The following MINK1 variants were observed in gnomAD, a reference collection of about 807,000 sequenced individuals.
MINK1 encodes misshapen like kinase 1.
Under a neutral mutation model 178.4 loss-of-function variants are expected in MINK1, and 46 were observed. That is an observed-to-expected ratio of 0.26 (90% CI 0.20 to 0.33). The LOEUF is 0.33. MINK1 is among the 10% of genes least tolerant of loss of function. The probability of loss-of-function intolerance (pLI) is 1.00; values close to 1 mark genes in which losing one functional copy is unlikely to be tolerated. For synonymous variants in MINK1, 797 were observed against 709.7 expected, an observed-to-expected ratio of 1.12 and a Z score of -1.96; for missense variants, 1,366 against 1,814.9, an observed-to-expected ratio of 0.75 and a Z score of 4.49.
chr17:4,892,629 C>T (rs1968971071), intron 18 of MINK1, 27 bp from the exon 19 acceptor site: 1 of 1,580,380 alleles, frequency 6.3e-7, no homozygotes, highest in Non-Finnish European at 8.6e-7. Flanking sequence ...CCGTGCCTCC[C>T]TGACCCTGAC....
chr17:4,838,162 G>A (rs930216689), intron 1 of MINK1, among the ~76,000 whole-genome samples: 2 of 152,222 alleles, frequency 1.3e-5, no homozygotes, highest in Admixed American at 6.5e-5. Context: ...ATTGCAAAAG[G>A]GGAATGGGGC....
intron 1 of MINK1, among the ~76,000 whole-genome samples, chr17:4,858,827 G>A (rs181175930): frequency 2.7e-4 from 41 of 152,300 alleles, no homozygotes; most frequent in Non-Finnish European, 4.6e-4. Flanking sequence ...GTCAGTCCTG[G>A]TATGGTTAGT....
intron 1 of MINK1, among the ~76,000 whole-genome samples, chr17:4,839,787 G>T (rs1909898559): frequency 6.6e-6 from 1 of 152,198 alleles, no homozygotes; most frequent in Non-Finnish European, 1.5e-5. Flanking sequence ...TGGAGATTTT[G>T]TCCAGTGGCT....
Position 4,892,392 on chromosome 17 carries a change from C to T in MINK1, c.2088-10C>T. 6.5e-7 allele frequency: 1 copy of T among 1,543,120 alleles called. No individual in the cohort carries two copies. Among genetic ancestry groups the T allele is most frequent in the Non-Finnish European group, 8.8e-7 (1 of 1,142,332 alleles). On this transcript the variant is annotated splice_polypyrimidine_tract_variant and intron_variant, in intron 17 of 31. Coordinates refer to ENST00000355280, the MANE Select transcript of MINK1 (RefSeq NM_153827.5). The stretch of plus-strand genomic sequence containing the variant: ...GCCGCCCCCTCGGCACCCCTGTGCT[C>T]CCTTCACAGACCTCGCAGCAACTCC...
chr17:4,886,764 C>T lies in MINK1; in HGVS notation c.949+138C>T, dbSNP rs931683659. The T allele has an allele frequency of 9.8e-7, 1 of 1,016,086 alleles. No homozygotes were observed. The highest frequency in any genetic ancestry group is 2.7e-5 in the East Asian group (1 of 37,276). The allele number at this position is 1,016,086 out of a possible 1,614,324, so 62.9% of individuals were successfully genotyped here. ...TCTCCCTGTCCAAGGAGATCGTTCT[C>T]AAACTTGCAACCCCCAAGGGGTTTT... On this transcript the variant is annotated intron_variant, in intron 10 of 31. Coordinates refer to ENST00000355280, the MANE Select transcript of MINK1 (RefSeq NM_153827.5). This position sits in a 1 kb window ranked among gnomAD's most constrained non-coding sequence, Gnocchi z 6.1.
Position 4,885,853 on chromosome 17 carries a change from G to T in MINK1, c.640-58G>T. Reference sequence around the variant, plus strand: ...GAGAGGCCAGGATGGTGGGTGAAGAGAGGTTGCAGGGCAGAGTTGTCAGGA... The same window carrying T: ...GAGAGGCCAGGATGGTGGGTGAAGATAGGTTGCAGGGCAGAGTTGTCAGGA... On this transcript the variant is annotated intron_variant, in intron 7 of 31. Transcript: ENST00000355280. This position sits in a 1 kb window ranked among gnomAD's most constrained non-coding sequence, Gnocchi z 5.0. 6.3e-7 allele frequency: 1 copy of T among 1,588,144 alleles called. No homozygotes were observed. The highest frequency in any genetic ancestry group is 1.1e-5 in the South Asian group (1 of 90,144).
Position 4,890,513 on chromosome 17 carries a change from C to T in MINK1, c.1348-4C>T. The T allele has an allele frequency of 1.3e-6, 2 of 1,584,922 alleles. No individual in the cohort carries two copies. Among genetic ancestry groups the T allele is most frequent in the Admixed American group, 1.8e-5 (1 of 55,494 alleles). On this transcript the variant is annotated splice_region_variant and splice_polypyrimidine_tract_variant and intron_variant, in intron 13 of 31. Transcript: ENST00000355280. Reference sequence around the variant, plus strand: ...GAGCCCTCTCTCCCTACCCTTGGGCCCAGGAATACAAGCGGAAGCAGCTGG... The same window carrying T: ...GAGCCCTCTCTCCCTACCCTTGGGCTCAGGAATACAAGCGGAAGCAGCTGG...
intron 1 of MINK1, among the ~76,000 whole-genome samples, chr17:4,838,361 G>A (rs532469491): frequency 1.3e-5 from 2 of 152,232 alleles, no homozygotes; most frequent in South Asian, 4.2e-4. Flanking sequence ...TACACAGCAG[G>A]GAGGTTTTGA....
At chr17:4,890,217 C>T in intron 13 of MINK1, 1 of 1,272,922 alleles carries the variant, frequency 7.9e-7, no homozygotes, top group Non-Finnish European at 1.0e-6. Context: ...CACCCCGTCC[C>T]CCAGGAATAT....
rs1187027634 is a variant in MINK1, at chr17:4,894,515, C to T, written c.2809-10C>T. Reference sequence around the variant, plus strand: ...CACTTGTTTGCCTGACTGCTGTCCCCCTACCACAGTACCAGTCTCGTGGGC... The same window carrying T: ...CACTTGTTTGCCTGACTGCTGTCCCTCTACCACAGTACCAGTCTCGTGGGC... On this transcript the variant is annotated splice_polypyrimidine_tract_variant and intron_variant, in intron 23 of 31. Transcript: ENST00000355280. This position sits in a 1 kb window ranked among gnomAD's most constrained non-coding sequence, Gnocchi z 4.1. 1.3e-6 allele frequency: 2 copies of T among 1,586,464 alleles called. No homozygotes were observed. Among genetic ancestry groups the T allele is most frequent in the South Asian group, 1.1e-5 (1 of 87,126 alleles).
intron 1 of MINK1, among the ~76,000 whole-genome samples, chr17:4,835,093 CAT>C (rs1008934388): frequency 9.9e-5 from 15 of 152,160 alleles, no homozygotes; most frequent in East Asian, 9.6e-4. Flanking sequence ...TGCGCAGGCA[CAT>C]GTGTGTGTGT....
Position 4,889,761 on chromosome 17 carries a change from C to CAGGTAGAGCG in MINK1, c.1346_1347+8dup. On this transcript the variant is annotated frameshift_variant and splice_region_variant, in exon 13 of 32. Transcript: ENST00000355280. LOFTEE classifies it high-confidence loss of function. The stretch of plus-strand genomic sequence containing the variant: ...GGAGCGGCGGCAGGCGGAGCGCGAG[C>CAGGTAGAGCG]AGGTAGAGCGCCGCACCCGCATCCC... 1 of 1,535,046 alleles carries CAGGTAGAGCG rather than the reference C, an allele frequency of 6.5e-7. No homozygotes were observed. The highest frequency in any genetic ancestry group is 8.7e-7 in the Non-Finnish European group (1 of 1,144,284).
In MINK1 at chr17:4,868,397, A is replaced by G. The variant is rs182007332; in HGVS notation, c.58-9920A>G. ...TCCACCTGTATTTCTGAATCCATTA[A>G]CCAGCCTCTCTTCATCCCCCTGCCC... On this transcript the variant is annotated intron_variant, in intron 1 of 31. Coordinates refer to ENST00000355280, the MANE Select transcript of MINK1 (RefSeq NM_153827.5). Among the ~76,000 whole-genome samples, 169 of 152,244 alleles carry G rather than the reference A, an allele frequency of 1.1e-3. 1 individual carries two copies. The South Asian group carries it at 0.012, about 11-fold the overall frequency.
intron 1 of MINK1, among the ~76,000 whole-genome samples, chr17:4,840,069 T>G (rs1909982204): frequency 6.6e-6 from 1 of 152,118 alleles, no homozygotes; most frequent in Non-Finnish European, 1.5e-5. Flanking sequence ...GCATATGTTC[T>G]CAGGATCTCC....
chr17:4,874,466 G>A (rs1228703562), intron 1 of MINK1, among the ~76,000 whole-genome samples: 3 of 152,204 alleles, frequency 2.0e-5, no homozygotes, highest in African/African-American at 7.2e-5. Flanking sequence ...TCAGGAAAGC[G>A]CCATTTTGGA....
At position 4,895,168 on chromosome 17, in the gene MINK1, C is replaced by T. The variant is rs1248642431; in HGVS notation, c.3011C>T (p.Ala1004Val). Residue 1004 changes from alanine (A) to valine (V), a missense_variant, in exon 25 of 32, where the codon GCC becomes GTC. By Grantham distance (64) the Ala-to-Val change is moderately conservative (BLOSUM62 0). Transcript: ENST00000355280. This position sits in a 1 kb window ranked among gnomAD's most constrained non-coding sequence, Gnocchi z 4.3. ...AACGTGAATCCCACCAACACCCGGG[C>T]CCACAGTGAGACCCCTGAGATCCGG... The part of the protein sequence containing the change: ...VVNVNPTNTR[A>V]HSETPEIRKY... The T allele has an allele frequency of 1.2e-6, 2 of 1,614,068 alleles. No homozygotes were observed. The highest frequency in any genetic ancestry group is 1.7e-6 in the Non-Finnish European group (2 of 1,180,004).
intron 1 of MINK1, among the ~76,000 whole-genome samples, chr17:4,859,732 G>T (rs946895478): frequency 7.6e-6 from 1 of 131,438 alleles, no homozygotes; most frequent in African/African-American, 2.9e-5. Flanking sequence ...AGGTTGCAGT[G>T]AGCCTAGATT....
chr17:4,847,242 A>G, intron 1 of MINK1: 1 of 457,814 alleles, frequency 2.2e-6, no homozygotes, highest in South Asian at 1.5e-5. Context: ...TCATTCATTC[A>G]TTCATTCATT....
chr17:4,859,185 T>A, intron 1 of MINK1: 1 of 985,446 alleles, frequency 1.0e-6, no homozygotes. Context: ...TAGTGCTTCT[T>A]TCCCAAGGAC....
Sources: allele counts gnomAD v4.1 joint callset (sites outside exome capture counted in the v4.1 genomes callset), GRCh38; gene constraint gnomAD v4.1.1; non-coding constraint Gnocchi (gnomAD v3.1); transcripts MANE v1.5; gene names NCBI Gene and HGNC (gene_info 2026-07-23, HGNC 2026-07-21).